CSMD1: variants seen among roughly 807,000 people sequenced by gnomAD.
CSMD1 encodes the protein CUB and sushi domain-containing protein 1.
CSMD1 carries 213 observed loss-of-function variants against 417.5 expected under a neutral mutation model. The ratio of observed to expected loss-of-function variants is 0.51; its 90% confidence interval spans 0.46 to 0.57. The LOEUF (loss-of-function observed/expected upper bound fraction) is 0.57. Among genes scored for constraint, CSMD1 ranks in the 20% least tolerant of loss-of-function variants. CSMD1 has a pLI of 0.00. For synonymous variants in CSMD1, 2,862 were observed against 1,736.8 expected (o/e 1.65, Z -16.11); for missense variants, 6,923 against 4,529.7 (o/e 1.53, Z -15.17).
intron 32 of CSMD1, among the ~76,000 whole-genome samples, chr8:3,201,059 C>T (rs1796965649): frequency 6.6e-6 from 1 of 152,156 alleles, no homozygotes. Flanking sequence ...TTGTTAGAGA[C>T]AGACTTCTGT....
chr8:4,909,982 T>A (rs553638106), intron 1 of CSMD1, among the ~76,000 whole-genome samples: 1 of 152,332 alleles, frequency 6.6e-6, no homozygotes, highest in South Asian at 2.1e-4. Flanking sequence ...TTATTTATCT[T>A]TTCTAAACTT....
At chr8:3,377,363 G>A (rs900955753) in intron 18 of CSMD1, among the ~76,000 whole-genome samples, 2 of 152,134 alleles carry the variant, frequency 1.3e-5, no homozygotes, top group African/African-American at 4.8e-5. Flanking sequence ...ATGTTCCAGT[G>A]CTGCAAATTA....
intron 3 of CSMD1, among the ~76,000 whole-genome samples, chr8:4,329,462 ATT>A (rs1799746364): frequency 6.6e-6 from 1 of 151,832 alleles, no homozygotes; most frequent in African/African-American, 2.4e-5. Context: ...TAATTTTTGT[ATT>A]TTCAGGATAG....
At chr8:4,510,390 T>TAAAAAAAAAAAAAAAAGAA (rs1802751417) in intron 2 of CSMD1, among the ~76,000 whole-genome samples, 2 of 54,644 alleles carry the variant, frequency 3.7e-5, no homozygotes, top group African/African-American at 1.5e-4. Context: ...GCATAATGCC[T>TAAAAAAAAAAAAAAAAGAA]AAAAAAAAAA....
At chr8:3,673,151 C>A (rs957517666) in intron 7 of CSMD1, among the ~76,000 whole-genome samples, 11 of 152,172 alleles carry the variant, frequency 7.2e-5, no homozygotes, top group Non-Finnish European at 1.5e-4. Context: ...AAAGGAAACT[C>A]TGATGCTATG....
intron 2 of CSMD1, among the ~76,000 whole-genome samples, chr8:4,628,411 T>C (rs890874575): frequency 1.8e-5 from 2 of 110,424 alleles, no homozygotes; most frequent in East Asian, 3.3e-4. Context: ...TATATACACA[T>C]ATATATACAT....
chr8:4,025,309 C>T (rs535533733), intron 4 of CSMD1, among the ~76,000 whole-genome samples: 150 of 152,304 alleles, frequency 9.8e-4, no homozygotes, highest in African/African-American at 3.5e-3. Flanking sequence ...AGTGGACCAT[C>T]TTTCATGTTT....
At chr8:3,239,364 T>A (rs1362410336) in intron 26 of CSMD1, among the ~76,000 whole-genome samples, 1 of 146,246 alleles carries the variant, frequency 6.8e-6, no homozygotes, top group Admixed American at 6.7e-5. Flanking sequence ...ATGACAAGGC[T>A]AAACTGAAGA....
At chr8:4,244,004 G>T (rs1397845203) in intron 3 of CSMD1, among the ~76,000 whole-genome samples, 1 of 152,168 alleles carries the variant, frequency 6.6e-6, no homozygotes. Flanking sequence ...CCCTGCCATG[G>T]AGTGGGAAGC....
At position 4,258,808 on chromosome 8, in the gene CSMD1, G is replaced by C. The variant is rs79053489; in HGVS notation, c.415+161145C>G. Among the ~76,000 whole-genome samples, 348 of 152,168 alleles carry C rather than the reference G, an allele frequency of 2.3e-3. 5 individuals are homozygous for C. The East Asian group carries it at 0.056, about 24-fold the overall frequency. The stretch of plus-strand genomic sequence containing the variant: ...CTGAATATTTAGAGGCAACTCTAAG[G>C]GCACAGCAGCAGAAAGATCAGGAGC... On this transcript the variant is annotated intron_variant, in intron 3 of 69. Transcript: ENST00000635120.
chr8:3,277,738 A>C (rs986637035), intron 26 of CSMD1, among the ~76,000 whole-genome samples: 7 of 152,188 alleles, frequency 4.6e-5, no homozygotes, highest in Non-Finnish European at 1.0e-4. Context: ...GCAGGTGGAC[A>C]CTCAGGGGAG....
chr8:3,831,092 G>A (rs1028922336), intron 5 of CSMD1, among the ~76,000 whole-genome samples: 24 of 152,194 alleles, frequency 1.6e-4, no homozygotes, highest in African/African-American at 4.3e-4. Flanking sequence ...AATATTGAGT[G>A]TCCAATACCA....
chr8:3,975,475 G>C (rs1046908943), intron 5 of CSMD1, among the ~76,000 whole-genome samples: 6 of 152,018 alleles, frequency 3.9e-5, no homozygotes, highest in African/African-American at 1.2e-4. Flanking sequence ...CATCACAGTG[G>C]AGTGACACTG....
chr8:3,763,604 A>G (rs1403725385), intron 5 of CSMD1, among the ~76,000 whole-genome samples: 2 of 152,168 alleles, frequency 1.3e-5, no homozygotes, highest in Non-Finnish European at 2.9e-5. Flanking sequence ...TCTGAGCCAA[A>G]TAAACCTCTG....
chr8:4,853,729 A>C, intron 1 of CSMD1, among the ~76,000 whole-genome samples: 1 of 152,170 alleles, frequency 6.6e-6, no homozygotes, highest in East Asian at 1.9e-4. Context: ...AGCATCATGC[A>C]ATCTCGTCAT....
intron 26 of CSMD1, among the ~76,000 whole-genome samples, chr8:3,256,309 G>GAAAAAAAAAAA (rs61572877): frequency 1.2e-5 from 1 of 81,436 alleles, no homozygotes; most frequent in Non-Finnish European, 2.4e-5. Flanking sequence ...TAAGTCTCAA[G>GAAAAAAAAAAA]AAAAAAAAAA....
intron 7 of CSMD1, among the ~76,000 whole-genome samples, chr8:3,668,488 G>A (rs1401956620): frequency 6.6e-6 from 1 of 152,200 alleles, no homozygotes; most frequent in Non-Finnish European, 1.5e-5. Flanking sequence ...GATATTACAA[G>A]GAGAACGGAG....
intron 40 of CSMD1, 37 bp downstream of exon 40, chr8:3,151,360 A>C (rs779179284): frequency 8.5e-5 from 115 of 1,356,924 alleles, no homozygotes; most frequent in Non-Finnish European, 1.1e-4. Flanking sequence ...GAAATGAAAA[A>C]AATGAACTTT....
intron 12 of CSMD1, among the ~76,000 whole-genome samples, chr8:3,456,540 G>T (rs74960896): frequency 1.3e-5 from 2 of 152,230 alleles, no homozygotes; most frequent in African/African-American, 4.8e-5. Flanking sequence ...CTAAGTTGGC[G>T]CAGTTTTTCA....
Sources: gnomAD v4.1 joint callset for allele counts (sites outside exome capture counted in the v4.1 genomes callset) on GRCh38, gnomAD v4.1.1 for gene constraint, MANE v1.5 for transcripts, NCBI Gene and HGNC (gene_info 2026-07-23, HGNC 2026-07-21) for gene names.